ATG16L2: variants seen among roughly 807,000 people sequenced by gnomAD.
The protein encoded by ATG16L2 is protein Atg16l2.
Under a neutral mutation model 84.7 loss-of-function variants are expected in ATG16L2, and 77 were observed. The ratio of observed to expected loss-of-function variants is 0.91; its 90% CI spans 0.76 to 1.10. ATG16L2 has a LOEUF of 1.10. Ranked by LOEUF, ATG16L2 falls within the 50% of genes least tolerant of loss-of-function variation. The pLI is 0.00. For missense variants in ATG16L2, 782 were observed against 817.6 expected (o/e 0.96, Z 0.53); for synonymous variants, 361 against 342.8 (o/e 1.05, Z -0.59).
chr11:72,843,535 G>A, exon 6 of ATG16L2: 1 of 1,611,356 alleles, frequency 6.2e-7, no homozygotes, highest in Non-Finnish European at 8.5e-7. Context: ...TGAGAAGCCT[G>A]CAGTGTAGGA....
intron 3 of ATG16L2, chr11:72,821,373 C>T: frequency 8.2e-7 from 1 of 1,214,432 alleles, no homozygotes; most frequent in Non-Finnish European, 1.0e-6. Context: ...ACTCTTCAGG[C>T]GAGGCAGTGG....
At chr11:72,827,792 G>T (rs897516023) in intron 14 of ATG16L2, among the ~76,000 whole-genome samples, 1 of 152,190 alleles carries the variant, frequency 6.6e-6, no homozygotes, top group African/African-American at 2.4e-5. Flanking sequence ...TATTAGCCGG[G>T]TGTGGTGGCA....
chr11:72,828,820 C>T (rs375034663), intron 16 of ATG16L2, 44 bp downstream of exon 16: 39 of 1,613,886 alleles, frequency 2.4e-5, no homozygotes, highest in Middle Eastern at 3.3e-4. Flanking sequence ...TGTGCCCTGC[C>T]GGACCCTGTG....
At position 72,822,226 on chromosome 11, in the gene ATG16L2, T is replaced by G. The variant is rs750253711; in HGVS notation, c.575T>G (p.Leu192Arg). Residue 192 changes from leucine (L) to arginine (R), a missense_variant, in exon 5 of 18, where the codon CTG becomes CGG. Leu to Arg is a moderately radical substitution (Grantham distance 102). Transcript: ENST00000321297. This position sits in a 1 kb window ranked among gnomAD's most constrained non-coding sequence, Gnocchi z 4.2. ...RRLQEEARDL[L>R]ERLVQRKARA... ...CTCCAGGAAGAGGCGCGCGACCTGC[T>G]GGAGAGGCTCGTGCAGCGCAAGGCG... 8.6e-6 allele frequency: 13 copies of G among 1,505,094 alleles called. No homozygotes were observed. The South Asian group carries it at 1.4e-4, about 16-fold the overall frequency. 93.2% of individuals were successfully genotyped at this position (1,505,094 alleles called of 1,614,324 possible). A position where few individuals can be genotyped will look rare whatever the true frequency, so the allele number is the denominator to read the frequency against.
intron 5 of ATG16L2, chr11:72,838,573 A>G (rs1027943994): frequency 1.7e-6 from 1 of 573,720 alleles, no homozygotes; most frequent in Non-Finnish European, 3.1e-6. Context: ...GATTTGTGCT[A>G]TGGTAGGAGA....
intron 3 of ATG16L2, chr11:72,820,476 A>G (rs954526616): frequency 1.3e-5 from 2 of 152,250 alleles, no homozygotes; most frequent in African/African-American, 4.8e-5. Flanking sequence ...TGAATGGTAC[A>G]ACACAACATA....
chr11:72,814,611 TA>T (rs1264217032), intron 1 of ATG16L2, 48 bp downstream of exon 1: 2 of 1,469,346 alleles, frequency 1.4e-6, no homozygotes, highest in Admixed American at 3.9e-5. Context: ...GGGACGCGGC[TA>T]CGGGCGCGGG....
At chr11:72,838,896 A>T in intron 5 of ATG16L2, 1 of 1,590,774 alleles carries the variant, frequency 6.3e-7, no homozygotes, top group Non-Finnish European at 8.6e-7. Context: ...ACAATTACGT[A>T]GTTTGTCAGT....
In ATG16L2 at chr11:72,822,667, G is replaced by C; in HGVS notation, c.710+124G>C. 2 of 1,300,644 alleles carry C rather than the reference G, an allele frequency of 1.5e-6. No homozygotes were observed. Among genetic ancestry groups the C allele is most frequent in the Non-Finnish European group, 1.1e-6 (1 of 942,450 alleles). The allele number at this position is 1,300,644 out of a possible 1,614,324, so 80.6% of individuals were successfully genotyped here. On this transcript the variant is annotated intron_variant, in intron 6 of 17. Coordinates refer to ENST00000321297, the MANE Select transcript of ATG16L2 (RefSeq NM_033388.2). This position sits in a 1 kb window ranked among gnomAD's most constrained non-coding sequence, Gnocchi z 4.2. ...GTCCTGAGGCCCCCATGTGGTCGGA[G>C]CCCACGAGACACCTGCAGAGGACCG...
chr11:72,838,697 G>A lies in ATG16L2; in HGVS notation c.*22-3920G>A, dbSNP rs141309534. ...CCTCCTTGTTTTTTGCTCTGTTCAAGAGTCATCATCATGCAAAGGTGCCTA... is the reference window on the plus strand; with the variant it reads ...CCTCCTTGTTTTTTGCTCTGTTCAAAAGTCATCATCATGCAAAGGTGCCTA... On this transcript the variant is annotated intron_variant, in intron 5 of 5. Coordinates refer to the ATG16L2 transcript ENST00000534905. The A allele has an allele frequency of 1.2e-4, 117 of 1,017,374 alleles. No individual in the cohort carries two copies. In the East Asian group the frequency reaches 2.6e-3, roughly 22 times the overall value. 63.0% of individuals were successfully genotyped at this position (1,017,374 alleles called of 1,614,324 possible). A position where few individuals can be genotyped will look rare whatever the true frequency, so the allele number is the denominator to read the frequency against.
At chr11:72,814,916 A>C (rs988728344) in intron 1 of ATG16L2, among the ~76,000 whole-genome samples, 1 of 151,624 alleles carries the variant, frequency 6.6e-6, no homozygotes, top group African/African-American at 2.4e-5. Flanking sequence ...TGATCAGTGC[A>C]CTTAGTCTCG....
At chr11:72,820,101 CATTATT>C (rs1426269894) in intron 3 of ATG16L2, 1 of 152,042 alleles carries the variant, frequency 6.6e-6, no homozygotes, top group East Asian at 1.9e-4. Flanking sequence ...AAGCATTTAT[CATTATT>C]ATTAACTTTT....
At chr11:72,816,852 A>T in intron 2 of ATG16L2, 25 bp downstream of exon 2, 1 of 1,596,850 alleles carries the variant, frequency 6.3e-7, no homozygotes, top group Non-Finnish European at 8.6e-7. Context: ...GTCCGTGGTC[A>T]CAAAGGGCTG....
Position 72,826,756 on chromosome 11 carries a change from G to A in ATG16L2, c.1299G>A (p.Thr433=), listed in dbSNP as rs1488883913. Residue 433 remains threonine, a synonymous_variant, in exon 13 of 18, where the codon ACG becomes ACA. Transcript: ENST00000321297. Reference sequence around the variant, plus strand: ...TGACAGCTGCCAAATTCAAGCTAACGAGGCACCAGGCAGTGACTGGGAGCC... The same window carrying A: ...TGACAGCTGCCAAATTCAAGCTAACAAGGCACCAGGCAGTGACTGGGAGCC... ...DKVTAAKFKL[T]RHQAVTGSRD... is the part of the protein sequence containing the mutation. 4 of 1,614,072 alleles carry A rather than the reference G, an allele frequency of 2.5e-6. No individual in the cohort carries two copies. Among genetic ancestry groups the A allele is most frequent in the East Asian group, 2.2e-5 (1 of 44,888 alleles).
In ATG16L2 at chr11:72,822,019, G is replaced by C. The variant is rs551615367; in HGVS notation, c.393-25G>C. 199 of 1,484,388 alleles carry C rather than the reference G, an allele frequency of 1.3e-4. No homozygotes were observed. In the East Asian group the frequency reaches 3.0e-3, roughly 22 times the overall value. The allele number at this position is 1,484,388 out of a possible 1,614,324, so 92.0% of individuals were successfully genotyped here. On this transcript the variant is annotated intron_variant, in intron 4 of 17. Coordinates refer to ENST00000321297, the MANE Select transcript of ATG16L2 (RefSeq NM_033388.2). This position sits in a 1 kb window ranked among gnomAD's most constrained non-coding sequence, Gnocchi z 4.2. Reference sequence around the variant, plus strand: ...CAGTGACGGGGGAAGCTTGGGACCCGCTATCCGCTCTTTCCGTCCTCCAGG... The same window carrying C: ...CAGTGACGGGGGAAGCTTGGGACCCCCTATCCGCTCTTTCCGTCCTCCAGG...
downstream of ATG16L2, among the ~76,000 whole-genome samples, chr11:72,833,765 A>C (rs902072643): frequency 1.3e-5 from 2 of 151,996 alleles, no homozygotes; most frequent in African/African-American, 2.4e-5. Context: ...TACTAAAAAT[A>C]CAAAAAAATT....
At chr11:72,835,395 G>A (rs1298118771) in intron 5 of ATG16L2, among the ~76,000 whole-genome samples, 1 of 151,880 alleles carries the variant, frequency 6.6e-6, no homozygotes, top group East Asian at 2.0e-4. Context: ...GTGGTGGTGA[G>A]AAAAGGCAGG....
At position 72,824,120 on chromosome 11, in the gene ATG16L2, G is replaced by A. The variant is rs1258077299; in HGVS notation, c.885G>A (p.Leu295=). The change falls in exon 8 of 18, where the codon CTG becomes CTA. Residue 295 remains leucine, a splice_region_variant and synonymous_variant. Coordinates refer to ENST00000321297, the MANE Select transcript of ATG16L2 (RefSeq NM_033388.2). ...GTGTGGATGTGGTGAAGGGGCTTCT[G>A]GAGTAAGTGTGTGTGTGCCTGTGTG... The part of the protein sequence containing the change: ...SHCVDVVKGL[L]DFKKRRGHSI... The A allele has an allele frequency of 1.2e-6, 2 of 1,614,192 alleles. No individual in the cohort carries two copies. The highest frequency in any genetic ancestry group is 4.5e-5 in the East Asian group (2 of 44,886).
chr11:72,827,175 G>A lies in ATG16L2; in HGVS notation c.1367-13G>A. Reference sequence around the variant, plus strand: ...CTCCTCTGAGGCCCTGGGGTCTGCTGCTTGGTCCCCAGGCTCCAGGACCAT... The same window carrying A: ...CTCCTCTGAGGCCCTGGGGTCTGCTACTTGGTCCCCAGGCTCCAGGACCAT... On this transcript the variant is annotated splice_polypyrimidine_tract_variant and intron_variant, in intron 13 of 17. Coordinates refer to ENST00000321297, the MANE Select transcript of ATG16L2 (RefSeq NM_033388.2). 1 of 1,603,908 alleles carries A rather than the reference G, an allele frequency of 6.2e-7. No individual in the cohort carries two copies.
Sources: allele counts gnomAD v4.1 joint callset (sites outside exome capture counted in the v4.1 genomes callset), GRCh38; gene constraint gnomAD v4.1.1; non-coding constraint Gnocchi (gnomAD v3.1); transcripts MANE v1.5; gene names NCBI Gene and HGNC (gene_info 2026-07-23, HGNC 2026-07-21).